Variants in LRRC8C observed in about 807,000 individuals in gnomAD.
The protein encoded by LRRC8C is volume-regulated anion channel subunit LRRC8C.
Under a neutral mutation model 55.3 loss-of-function variants are expected in LRRC8C, and 20 were observed. That is an observed-to-expected ratio of 0.36 (90% CI 0.25 to 0.53). LRRC8C has a LOEUF of 0.53. LRRC8C is among the 20% of genes least tolerant of loss of function. LRRC8C has a pLI of 0.92. For missense variants in LRRC8C, 659 were observed against 951.4 expected (o/e 0.69, Z 4.04); for synonymous variants, 376 against 360.7 (o/e 1.04, Z -0.48).
intron 1 of LRRC8C, among the ~76,000 whole-genome samples, chr1:89,679,501 C>T (rs1423587362): frequency 6.6e-6 from 1 of 152,122 alleles, no homozygotes; most frequent in East Asian, 1.9e-4. Context: ...TTACAGTGAG[C>T]CAAGATCACG....
rs1656163910 is a variant in LRRC8C, at chr1:89,633,147, C to G, written c.-180C>G. 1 of 152,012 alleles carries G rather than the reference C, an allele frequency of 6.6e-6. No homozygotes were observed. The highest frequency in any genetic ancestry group is 6.6e-5 in the Admixed American group (1 of 15,264). 9.4% of individuals were successfully genotyped at this position (152,012 alleles called of 1,614,324 possible). On this transcript the variant is annotated 5_prime_UTR_variant, in exon 1 of 3. Coordinates refer to ENST00000370454, the MANE Select transcript of LRRC8C (RefSeq NM_032270.5). ...TAGCTGCGTCCCGGCTGGAAGCCCGCGAAGAGAAGTAGGAGGAAGGCGCCG... is the reference window on the plus strand; with the variant it reads ...TAGCTGCGTCCCGGCTGGAAGCCCGGGAAGAGAAGTAGGAGGAAGGCGCCG...
chr1:89,648,146 AAT>A (rs1656663791), intron 1 of LRRC8C, among the ~76,000 whole-genome samples: 1 of 152,264 alleles, frequency 6.6e-6, no homozygotes, highest in South Asian at 2.1e-4. Context: ...TGAAGAAAAA[AAT>A]ATGTTTATAA....
the LRRC8C span, among the ~76,000 whole-genome samples, chr1:89,626,050 T>G: frequency 6.6e-6 from 1 of 152,222 alleles, no homozygotes; most frequent in Non-Finnish European, 1.5e-5. Flanking sequence ...ACTCACTTCA[T>G]GGGTACAGCC....
At chr1:89,679,987 A>G (rs1182964361) in intron 1 of LRRC8C, among the ~76,000 whole-genome samples, 1 of 152,320 alleles carries the variant, frequency 6.6e-6, no homozygotes, top group African/African-American at 2.4e-5. Flanking sequence ...CACAAAAATT[A>G]TCCTGGGGAG....
chr1:89,700,551 T>A (rs543706128), intron 2 of LRRC8C, among the ~76,000 whole-genome samples: 17 of 152,358 alleles, frequency 1.1e-4, no homozygotes, highest in South Asian at 2.1e-4. Flanking sequence ...GTATTCAATA[T>A]GTTTCTGTTG....
At chr1:89,659,064 TGTGTGTGTGTGTGTGTGTG>T (rs1657040797) in intron 1 of LRRC8C, among the ~76,000 whole-genome samples, 1 of 25,830 alleles carries the variant, frequency 3.9e-5, no homozygotes, top group Non-Finnish European at 8.7e-5. Flanking sequence ...TTTTTTTTTG[TGTGTGTGTGTGTGTGTGTG>T]TGTGTGTGTG....
intron 1 of LRRC8C, among the ~76,000 whole-genome samples, chr1:89,642,584 T>C (rs769863083): frequency 2.0e-5 from 3 of 152,056 alleles, no homozygotes; most frequent in African/African-American, 7.2e-5. Flanking sequence ...GCACAGTGGC[T>C]CACGCCTGTA....
chr1:89,661,844 A>G (rs1181370824), intron 1 of LRRC8C, among the ~76,000 whole-genome samples: 1 of 151,866 alleles, frequency 6.6e-6, no homozygotes, highest in Non-Finnish European at 1.5e-5. Flanking sequence ...GCTTTGCAGT[A>G]TTATCTAAAC....
At chr1:89,670,191 T>C (rs1332134786) in intron 1 of LRRC8C, among the ~76,000 whole-genome samples, 1 of 152,170 alleles carries the variant, frequency 6.6e-6, no homozygotes, top group African/African-American at 2.4e-5. Flanking sequence ...TTCACTCCCT[T>C]GGATATTTTC....
rs543282575 is a variant in LRRC8C, at chr1:89,706,394, A to G, written c.139-6315A>G. ...AAATGTGGTACCTTTTCAACTAGTTATCACAGGTGGGTTCTGCTTTTTCAC... is the reference window on the plus strand; with the variant it reads ...AAATGTGGTACCTTTTCAACTAGTTGTCACAGGTGGGTTCTGCTTTTTCAC... On this transcript the variant is annotated intron_variant, in intron 2 of 2. Coordinates refer to ENST00000370454, the MANE Select transcript of LRRC8C (RefSeq NM_032270.5). 104 of 454,110 alleles carry G rather than the reference A, an allele frequency of 2.3e-4. 1 individual carries two copies. In the East Asian group the frequency reaches 5.8e-3, roughly 25 times the overall value. The allele number at this position is 454,110 out of a possible 1,614,324, so 28.1% of individuals were successfully genotyped here.
chr1:89,687,545 A>G (rs1269137671), intron 2 of LRRC8C, among the ~76,000 whole-genome samples: 1 of 152,188 alleles, frequency 6.6e-6, no homozygotes, highest in East Asian at 1.9e-4. Flanking sequence ...GTGATGAGGA[A>G]GATAGTGTCA....
Position 89,717,224 on chromosome 1 carries a change from A to G in LRRC8C, c.*2242A>G, listed in dbSNP as rs991986989. 3 of 152,160 alleles carry G rather than the reference A, an allele frequency of 2.0e-5. No homozygotes were observed. Among genetic ancestry groups the G allele is most frequent in the African/African-American group, 7.2e-5 (3 of 41,458 alleles). 9.4% of individuals were successfully genotyped at this position (152,160 alleles called of 1,614,324 possible). Reference sequence around the variant, plus strand: ...AAATACCTCGTCGAAAGGCAAGCTTAGGTAACTGCTGGCAAAACACTGGGT... The same window carrying G: ...AAATACCTCGTCGAAAGGCAAGCTTGGGTAACTGCTGGCAAAACACTGGGT... On this transcript the variant is annotated 3_prime_UTR_variant, in exon 3 of 3. Coordinates refer to ENST00000370454, the MANE Select transcript of LRRC8C (RefSeq NM_032270.5).
chr1:89,677,482 G>T (rs538755936), intron 1 of LRRC8C, among the ~76,000 whole-genome samples: 1 of 152,298 alleles, frequency 6.6e-6, no homozygotes, highest in East Asian at 1.9e-4. Context: ...TTGAGTACAG[G>T]AAAAGTTCTA....
intron 1 of LRRC8C, among the ~76,000 whole-genome samples, chr1:89,654,580 T>G (rs1438438595): frequency 6.6e-6 from 1 of 152,192 alleles, no homozygotes; most frequent in African/African-American, 2.4e-5. Context: ...CTTCTATGTC[T>G]GAAATACACT....
intron 1 of LRRC8C, among the ~76,000 whole-genome samples, chr1:89,652,013 T>C (rs1042343841): frequency 3.9e-5 from 6 of 152,190 alleles, no homozygotes; most frequent in African/African-American, 1.4e-4. Flanking sequence ...TTGTAAGTAA[T>C]ATCACACAAA....
chr1:89,650,827 T>A (rs1656752941), intron 1 of LRRC8C, among the ~76,000 whole-genome samples: 1 of 152,224 alleles, frequency 6.6e-6, no homozygotes. Flanking sequence ...AATACTGCTC[T>A]GATTTCACCC....
intron 1 of LRRC8C, among the ~76,000 whole-genome samples, chr1:89,643,600 A>G (rs1656530923): frequency 1.3e-5 from 2 of 152,342 alleles, no homozygotes; most frequent in South Asian, 2.1e-4. Flanking sequence ...AGTAAAGTTT[A>G]TGTAAATGAT....
chr1:89,631,203 A>G (rs1278837154), upstream of LRRC8C, among the ~76,000 whole-genome samples: 1 of 152,198 alleles, frequency 6.6e-6, no homozygotes, highest in African/African-American at 2.4e-5. Flanking sequence ...TAATTCTCAC[A>G]GCACCCTGTA....
chr1:89,652,982 C>T (rs1440249566), intron 1 of LRRC8C, among the ~76,000 whole-genome samples: 2 of 151,948 alleles, frequency 1.3e-5, no homozygotes, highest in Non-Finnish European at 2.9e-5. Context: ...GCAAGAAGGC[C>T]AGTGTGGGTG....
Sources: allele counts gnomAD v4.1 joint callset (sites outside exome capture counted in the v4.1 genomes callset), GRCh38; gene constraint gnomAD v4.1.1; transcripts MANE v1.5; gene names NCBI Gene and HGNC (gene_info 2026-07-23, HGNC 2026-07-21).